Variants in CTDP1 observed in about 807,000 individuals in gnomAD.
CTDP1 encodes the protein CTD phosphatase 1, also known as RNA polymerase II subunit A C-terminal domain phosphatase.
Under a neutral mutation model 91.8 loss-of-function variants are expected in CTDP1, and 47 were observed. The ratio of observed to expected loss-of-function variants is 0.51; its 90% CI spans 0.41 to 0.65. The LOEUF (loss-of-function observed/expected upper bound fraction) is 0.65. Among genes scored for constraint, CTDP1 ranks in the 30% least tolerant of loss-of-function variants. The pLI, the probability that CTDP1 is intolerant of heterozygous loss-of-function variation, is 0.00. For synonymous variants in CTDP1, 656 were observed against 598.5 expected (o/e 1.10, Z -1.40); for missense variants, 1,272 against 1,373.7 (o/e 0.93, Z 1.17).
At chr18:79,693,198 A>G (rs942656116) in intron 1 of CTDP1, among the ~76,000 whole-genome samples, 1 of 151,374 alleles carries the variant, frequency 6.6e-6, no homozygotes, top group African/African-American at 2.4e-5. Flanking sequence ...GTCTTTGAGC[A>G]GGTGTGGTGA....
chr18:79,696,213 A>G (rs1262970286), intron 3 of CTDP1, 143 bp downstream of exon 3: 1 of 746,516 alleles, frequency 1.3e-6, no homozygotes, highest in Non-Finnish European at 2.3e-6. Flanking sequence ...CGGATGACTT[A>G]TGGGACTGCG....
chr18:79,724,159 C>T (rs2086400066), intron 10 of CTDP1, among the ~76,000 whole-genome samples: 1 of 152,248 alleles, frequency 6.6e-6, no homozygotes, highest in Non-Finnish European at 1.5e-5. Flanking sequence ...GAAGGAAGTG[C>T]TCATCAGAGC....
At chr18:79,696,793 T>C (rs1233901464) in intron 3 of CTDP1, among the ~76,000 whole-genome samples, 1 of 152,172 alleles carries the variant, frequency 6.6e-6, no homozygotes, top group African/African-American at 2.4e-5. Context: ...GCTGGGGCAC[T>C]GTGGGTCAGC....
intron 1 of CTDP1, among the ~76,000 whole-genome samples, chr18:79,680,666 T>C (rs2085344721): frequency 6.6e-6 from 1 of 152,186 alleles, no homozygotes; most frequent in South Asian, 2.1e-4. Flanking sequence ...TGTGTGCACA[T>C]CTTTAAATTT....
At chr18:79,710,661 C>T (rs1256465556) in intron 6 of CTDP1, among the ~76,000 whole-genome samples, 1 of 148,020 alleles carries the variant, frequency 6.8e-6, no homozygotes, top group Non-Finnish European at 1.5e-5. Flanking sequence ...GCTAGGACTA[C>T]AGGCACCCAC....
At chr18:79,745,065 G>T (rs141025630) in intron 12 of CTDP1, among the ~76,000 whole-genome samples, 11 of 152,318 alleles carry the variant, frequency 7.2e-5, no homozygotes, top group African/African-American at 2.6e-4. Context: ...TGTGGGTCCT[G>T]AGAGTGGGGT....
intron 1 of CTDP1, among the ~76,000 whole-genome samples, chr18:79,682,702 T>C (rs1431725899): frequency 1.3e-5 from 2 of 152,186 alleles, no homozygotes; most frequent in East Asian, 3.8e-4. Context: ...GTTCTCCAGG[T>C]TGACTGCGGG....
At chr18:79,678,991 C>T, upstream of CTDP1, 1 of 229,212 alleles carries the variant, frequency 4.4e-6, no homozygotes, top group Non-Finnish European at 8.9e-6. Context: ...CGCCCGCCCG[C>T]CAGCTTAATT....
rs534172644 is a variant in CTDP1, at chr18:79,701,744, T to G, written c.622-3023T>G. Among the ~76,000 whole-genome samples, 17 of 151,888 alleles carry G rather than the reference T, an allele frequency of 1.1e-4. No homozygotes were observed. The East Asian group carries it at 2.5e-3, about 23-fold the overall frequency. On this transcript the variant is annotated intron_variant, in intron 4 of 12. Transcript: ENST00000613122. ...TCAGAGTATCTGCATCAACCAGGAG[T>G]TGGGAAGATGTCGATTCCAACCCTC... is the stretch of plus-strand genomic sequence containing the variant.
At position 79,715,445 on chromosome 18, in the gene CTDP1, C is replaced by T. The variant is rs1402611410; in HGVS notation, c.1985C>T (p.Ala662Val). Reference sequence around the variant, plus strand: ...ACGCGGGAGCATTACCACGCCACGGCGCTGGGAGCGAAGATCCTCACTCGG... The same window carrying T: ...ACGCGGGAGCATTACCACGCCACGGTGCTGGGAGCGAAGATCCTCACTCGG... ...EKTREHYHAT[A>V]LGAKILTRLV... The change falls in exon 8 of 13, where the codon GCG (alanine) becomes GTG (valine). Residue 662 changes from alanine to valine, a missense_variant. Ala to Val is a moderately conservative substitution (Grantham distance 64). This residue lies in a region of CTDP1 where 881 missense variants were observed against 911.6 expected (regional missense o/e 0.97). Coordinates refer to ENST00000613122, the MANE Select transcript of CTDP1 (RefSeq NM_004715.5). The T allele has an allele frequency of 8.8e-6, 14 of 1,591,746 alleles. No individual in the cohort carries two copies. In the Admixed American group the frequency reaches 1.9e-4, roughly 22 times the overall value.
In CTDP1 at chr18:79,714,559, C is replaced by G. The variant is rs1307205034; in HGVS notation, c.1099C>G (p.Gln367Glu). ...CGTGAGAGACCCTGAGGGGGTAACG[C>G]AGGCCCCTGGAGTGGAGCCCAGCAA... ...PPVRDPEGVT[Q>E]APGVEPSNGL... Residue 367 changes from glutamine to glutamate, a missense_variant, in exon 8 of 13, where the codon CAG becomes GAG. By Grantham distance (29) the Gln-to-Glu change is conservative (BLOSUM62 2). Around this residue, in one of 3 missense-constraint regions of CTDP1, gnomAD observed 881 missense variants for 911.6 expected, o/e 0.97. Transcript: ENST00000613122. The G allele has an allele frequency of 6.2e-7, 1 of 1,613,030 alleles. No homozygotes were observed. The highest frequency in any genetic ancestry group is 8.5e-7 in the Non-Finnish European group (1 of 1,180,050).
chr18:79,747,586 CA>C (rs1238318438), intron 12 of CTDP1, among the ~76,000 whole-genome samples: 1 of 152,202 alleles, frequency 6.6e-6, no homozygotes, highest in Non-Finnish European at 1.5e-5. Context: ...CGGAGCCCCC[CA>C]CGCTTGTGTG....
chr18:79,725,863 G>A (rs1215987341), intron 10 of CTDP1, among the ~76,000 whole-genome samples: 2 of 152,156 alleles, frequency 1.3e-5, no homozygotes, highest in Non-Finnish European at 2.9e-5. Flanking sequence ...TCTGGGCTCC[G>A]TGGTTCTGAT....
intron 1 of CTDP1, among the ~76,000 whole-genome samples, chr18:79,688,623 C>T (rs1295838497): frequency 1.3e-5 from 2 of 152,142 alleles, no homozygotes; most frequent in Admixed American, 6.5e-5. Context: ...TCATCTCGAA[C>T]TCCTGACCTC....
At chr18:79,729,129 T>A in intron 11 of CTDP1, 60 bp downstream of exon 11, 2 of 1,603,762 alleles carry the variant, frequency 1.2e-6, no homozygotes, top group Non-Finnish European at 1.7e-6. Context: ...CGCAGAGCTC[T>A]GGTGTGCGGG....
At chr18:79,701,235 G>A (rs2085849305) in intron 4 of CTDP1, among the ~76,000 whole-genome samples, 1 of 152,116 alleles carries the variant, frequency 6.6e-6, no homozygotes, top group Non-Finnish European at 1.5e-5. Flanking sequence ...TCCTGGCCAG[G>A]CGCGGTGGCT....
upstream of CTDP1, chr18:79,679,271 CGCG>C: frequency 2.6e-6 from 1 of 389,120 alleles, no homozygotes; most frequent in Non-Finnish European, 5.3e-6. Flanking sequence ...CCCAAGCTCC[CGCG>C]GCGTGGGGTC....
In CTDP1 at chr18:79,717,847, G is replaced by A. The variant is rs148715931; in HGVS notation, c.2248G>A (p.Val750Met). Residue 750 changes from valine to methionine, a missense_variant, in exon 10 of 13, where the codon GTG becomes ATG. This residue lies in a region of CTDP1 where 881 missense variants were observed against 911.6 expected (regional missense o/e 0.97). Coordinates refer to ENST00000613122, the MANE Select transcript of CTDP1 (RefSeq NM_004715.5). Reference protein sequence around the residue: ...SPAAFPDREGVPPTALFHPMP... With the variant: ...SPAAFPDREGMPPTALFHPMP... ...TGCGGCCTTTCCCGACCGGGAGGGT[G>A]TGCCCCCCACCGCCTTGTTCCACCC... 1.2e-6 allele frequency: 2 copies of A among 1,613,476 alleles called. No homozygotes were observed. The highest frequency in any genetic ancestry group is 2.7e-5 in the African/African-American group (2 of 74,918).
At chr18:79,718,276 G>A (rs991186471) in intron 10 of CTDP1, among the ~76,000 whole-genome samples, 1 of 152,146 alleles carries the variant, frequency 6.6e-6, no homozygotes, top group African/African-American at 2.4e-5. Context: ...GCACCCGCAT[G>A]TGCCCACCTG....
Sources: gnomAD v4.1 joint callset for allele counts (sites outside exome capture counted in the v4.1 genomes callset) on GRCh38, gnomAD v4.1.1 for gene constraint, gnomAD v4.1.1 regional missense constraint, MANE v1.5 for transcripts, NCBI Gene and HGNC (gene_info 2026-07-23, HGNC 2026-07-21) for gene names.